The following BLTP1 variants were observed in gnomAD, a reference collection of about 807,000 sequenced individuals.
BLTP1 encodes the protein bridge-like lipid transfer protein family member 1.
the BLTP1 span, chr4:122,305,806 T>C: frequency 1.4e-5 from 20 of 1,409,078 alleles, no homozygotes; most frequent in African/African-American, 2.8e-4. Flanking sequence ...ACAATACCAT[T>C]AATAATGTTT....
the BLTP1 span, among the ~76,000 whole-genome samples, chr4:122,360,749 A>G: frequency 6.6e-6 from 1 of 152,236 alleles, no homozygotes; most frequent in African/African-American, 2.4e-5. Context: ...ATTAACTGTT[A>G]AAATACTGCA....
the BLTP1 span, among the ~76,000 whole-genome samples, chr4:122,338,150 G>C: frequency 5.5e-4 from 82 of 150,282 alleles, no homozygotes; most frequent in East Asian, 0.013. Context: ...GAGGGTTTGA[G>C]GGTTATAAAA....
the BLTP1 span, chr4:122,263,991 T>C: frequency 1.9e-5 from 11 of 568,602 alleles, no homozygotes; most frequent in Non-Finnish European, 2.2e-5. Flanking sequence ...ACTTAACAAA[T>C]ATTTAATTAA....
At chr4:122,240,494 A>G in the BLTP1 span, 1 of 689,940 alleles carries the variant, frequency 1.4e-6, no homozygotes, top group Non-Finnish European at 2.4e-6. Context: ...TTTATGTATG[A>G]TAGGTCACAG....
chr4:122,221,607 A>G, the BLTP1 span, among the ~76,000 whole-genome samples: 7 of 152,196 alleles, frequency 4.6e-5, no homozygotes, highest in African/African-American at 1.4e-4. Context: ...CAAAATGAAG[A>G]TACAGAACTA....
the BLTP1 span, chr4:122,184,656 A>C: frequency 7.1e-6 from 7 of 984,152 alleles, no homozygotes; most frequent in South Asian, 9.4e-5. Flanking sequence ...AAACCAAAAA[A>C]CAAAAAACAT....
the BLTP1 span, chr4:122,269,474 C>T: frequency 2.6e-4 from 260 of 985,180 alleles, 1 homozygote; most frequent in African/African-American, 2.8e-3. Flanking sequence ...TCTACTAACG[C>T]GCCAGCTCCG....
chr4:122,198,673 A>G, the BLTP1 span, among the ~76,000 whole-genome samples: 2 of 152,146 alleles, frequency 1.3e-5, no homozygotes, highest in Non-Finnish European at 1.5e-5. Context: ...AGGAAAGCCC[A>G]GTCAGGTTTT....
the BLTP1 span, chr4:122,207,725 G>A: frequency 8.9e-7 from 1 of 1,127,998 alleles, no homozygotes; most frequent in Admixed American, 2.3e-5. Context: ...CTTCTCCCCA[G>A]TCCATTGCAA....
chr4:122,291,983 T>G, the BLTP1 span: 1 of 263,308 alleles, frequency 3.8e-6, no homozygotes, highest in East Asian at 1.8e-4. Context: ...TTTTTTTTTT[T>G]TTTTTTGAGA....
the BLTP1 span, among the ~76,000 whole-genome samples, chr4:122,248,849 A>T: frequency 1.3e-5 from 2 of 152,056 alleles, no homozygotes; most frequent in Non-Finnish European, 2.9e-5. Context: ...GTGTACTTCA[A>T]ATATAAACAA....
At chr4:122,225,122 G>A in the BLTP1 span, 1 of 620,940 alleles carries the variant, frequency 1.6e-6, no homozygotes, top group Non-Finnish European at 2.0e-6. Context: ...CTAAGGATTA[G>A]GTAATAAGGT....
the BLTP1 span, chr4:122,305,779 T>G: frequency 1.5e-6 from 2 of 1,365,340 alleles, no homozygotes; most frequent in South Asian, 1.6e-5. Context: ...AAAAATGTAT[T>G]ATAGTTTTTT....
the BLTP1 span, chr4:122,250,586 C>T: frequency 6.2e-7 from 1 of 1,609,274 alleles, no homozygotes; most frequent in Non-Finnish European, 8.5e-7. Context: ...TAGTGACTTT[C>T]TAATAGTAAT....
chr4:122,244,939 A>G, the BLTP1 span: 2 of 1,502,108 alleles, frequency 1.3e-6, no homozygotes, highest in Non-Finnish European at 9.1e-7. Context: ...AGATGGTGCT[A>G]CGTTTCATGA....
chr4:122,184,957 G>A, the BLTP1 span: 8 of 984,160 alleles, frequency 8.1e-6, no homozygotes, highest in Middle Eastern at 5.2e-4. Context: ...GCCCATTTAC[G>A]CCAGTCTTCA....
the BLTP1 span, among the ~76,000 whole-genome samples, chr4:122,294,301 A>T: frequency 1.3e-5 from 2 of 152,090 alleles, no homozygotes; most frequent in Non-Finnish European, 2.9e-5. Context: ...ATTCTGCCCA[A>T]CTGGATGAGA....
the BLTP1 span, chr4:122,169,630 C>T: frequency 1.0e-6 from 1 of 960,572 alleles, no homozygotes; most frequent in Non-Finnish European, 1.2e-6. Flanking sequence ...ATTGTTGGTA[C>T]ATCTCAATAT....
the BLTP1 span, among the ~76,000 whole-genome samples, chr4:122,169,127 A>AT: frequency 2.6e-5 from 4 of 151,532 alleles, no homozygotes; most frequent in East Asian, 7.8e-4. Flanking sequence ...TTTTATTTTT[A>AT]TTTTTTTGGC....
Sources: gnomAD v4.1 joint callset for allele counts (sites outside exome capture counted in the v4.1 genomes callset) on GRCh38, gnomAD v4.1.1 for gene constraint, MANE v1.5 for transcripts, NCBI Gene and HGNC (gene_info 2026-07-23, HGNC 2026-07-21) for gene names.